Variants in LRP1 observed in about 807,000 individuals in gnomAD.
The protein encoded by LRP1 is LDL receptor related protein 1.
In LRP1, 51 loss-of-function variants were observed where a neutral mutation model predicts 541.5. The ratio of observed to expected loss-of-function variants is 0.09; its 90% confidence interval spans 0.08 to 0.12. The LOEUF (loss-of-function observed/expected upper bound fraction) is 0.12, where lower values mean the gene tolerates loss of function less well. LRP1 is among the 10% of genes least tolerant of loss of function. The pLI, the probability that LRP1 is intolerant of heterozygous loss-of-function variation, is 1.00. For missense variants in LRP1, 3,878 were observed against 6,376.2 expected (o/e 0.61, Z 13.34); for synonymous variants, 2,219 against 2,470.8 (o/e 0.90, Z 3.02).
At chr12:57,186,498 C>A (rs140912489) in intron 41 of LRP1, among the ~76,000 whole-genome samples, 16 of 152,356 alleles carry the variant, frequency 1.1e-4, no homozygotes, top group African/African-American at 2.9e-4. Context: ...CTCATATATT[C>A]ATTCAGCTGG....
Position 57,199,947 on chromosome 12 carries a change from G to A in LRP1, c.9936G>A (p.Gly3312=). 1 of 1,591,868 alleles carries A rather than the reference G, an allele frequency of 6.3e-7. No homozygotes were observed. The highest frequency in any genetic ancestry group is 8.5e-7 in the Non-Finnish European group (1 of 1,172,544). The change falls in exon 62 of 89, where the codon GGG becomes GGA. Residue 3312 remains glycine (G), a synonymous_variant. Coordinates refer to ENST00000243077, the MANE Select transcript of LRP1 (RefSeq NM_002332.3). ...TGTGCCTGCTGTCCCCCGGGGGAGG[G>A]CACAAATGTGCCTGCCCCACCAACT... is the stretch of plus-strand genomic sequence containing the variant. The part of the protein sequence containing the change: ...SNLCLLSPGG[G]HKCACPTNFY...
At chr12:57,181,397 T>A in intron 34 of LRP1, 106 bp downstream of exon 34, 1 of 1,398,348 alleles carries the variant, frequency 7.2e-7, no homozygotes, top group Non-Finnish European at 9.6e-7. Context: ...AAGACTACAT[T>A]CGTCGTGTAG....
chr12:57,141,673 C>T (rs12302644), intron 3 of LRP1, among the ~76,000 whole-genome samples, 162 bp downstream of exon 3: 1 of 152,350 alleles, frequency 6.6e-6, no homozygotes, highest in East Asian at 1.9e-4. Flanking sequence ...GCCCCTTGGG[C>T]CTGGAGCTTG....
At chr12:57,188,312 T>G (rs923966010) in intron 42 of LRP1, among the ~76,000 whole-genome samples, 4 of 152,158 alleles carry the variant, frequency 2.6e-5, no homozygotes, top group Non-Finnish European at 5.9e-5. Context: ...TTTTCCCAAT[T>G]CAGCAGTGCT....
chr12:57,188,762 G>T (rs1157337487), intron 42 of LRP1, among the ~76,000 whole-genome samples: 1 of 152,240 alleles, frequency 6.6e-6, no homozygotes, highest in South Asian at 2.1e-4. Context: ...AGCGCGAGGG[G>T]CGTCATGAAG....
At position 57,206,727 on chromosome 12, in the gene LRP1, G is replaced by A. The variant is rs1178377785; in HGVS notation, c.11845G>A (p.Val3949Ile). The A allele has an allele frequency of 3.1e-6, 5 of 1,612,218 alleles. No homozygotes were observed. The highest frequency in any genetic ancestry group is 2.5e-6 in the Non-Finnish European group (3 of 1,179,980). Reference sequence around the variant, plus strand: ...CCACCGGCGACAGATTGACCGGGGTGTCACCCACCTCAACGTGAGTGCCCA... The same window carrying A: ...CCACCGGCGACAGATTGACCGGGGTATCACCCACCTCAACGTGAGTGCCCA... ...NRHRRQIDRG[V>I]THLNISGLKM... The change falls in exon 76 of 89, where the codon GTC becomes ATC. Residue 3949 changes from valine (V) to isoleucine (I), a missense_variant. Physicochemically the swap from Val to Ile is conservative, Grantham distance 29. Coordinates refer to ENST00000243077, the MANE Select transcript of LRP1 (RefSeq NM_002332.3). The surrounding 1 kb of genome is among the most constrained non-coding windows in gnomAD (Gnocchi z 4.7).
chr12:57,160,114 CT>C, intron 12 of LRP1, 109 bp downstream of exon 12: 2 of 1,103,666 alleles, frequency 1.8e-6, no homozygotes, highest in Non-Finnish European at 2.6e-6. Flanking sequence ...AGGCGGGATA[CT>C]TTAGCAGGAA....
chr12:57,128,909 G>A lies in LRP1; in HGVS notation c.-56G>A. On this transcript the variant is annotated 5_prime_UTR_variant, in exon 1 of 89. Transcript: ENST00000243077. ...GGACCCCCCAACTGGGGGGGGTGAA[G>A]GAGAGAAGTAGCAGGACCAGAGGGG... The A allele has an allele frequency of 2.7e-6, 4 of 1,457,672 alleles. No homozygotes were observed. The highest frequency in any genetic ancestry group is 2.5e-5 in the South Asian group (2 of 79,078). 90.3% of individuals were successfully genotyped at this position (1,457,672 alleles called of 1,614,324 possible).
chr12:57,207,243 T>C (rs2036800586), intron 76 of LRP1, among the ~76,000 whole-genome samples: 1 of 36,552 alleles, frequency 2.7e-5, no homozygotes, highest in South Asian at 1.0e-3. Context: ...ACTCGGTCTC[T>C]AAATAAATAA....
intron 6 of LRP1, 53 bp downstream of exon 6, chr12:57,145,543 A>G: frequency 6.3e-7 from 1 of 1,591,122 alleles, no homozygotes; most frequent in Non-Finnish European, 8.5e-7. Flanking sequence ...GGAGACAGGG[A>G]AGGTGGACCC....
At chr12:57,133,349 G>T (rs2035078678) in intron 1 of LRP1, among the ~76,000 whole-genome samples, 3 of 152,034 alleles carry the variant, frequency 2.0e-5, no homozygotes, top group African/African-American at 7.3e-5. Flanking sequence ...CTAATGTCCT[G>T]CTGCATCAAT....
At position 57,190,985 on chromosome 12, in the gene LRP1, C is replaced by T; in HGVS notation, c.7212C>T (p.Cys2404=). The change falls in exon 43 of 89, where the codon TGC becomes TGT. Residue 2404 remains cysteine, a synonymous_variant. Coordinates refer to ENST00000243077, the MANE Select transcript of LRP1 (RefSeq NM_002332.3). ...CCACCCTGGACAAGATCGAGCGGTG[C>T]GAGTATGACGGCTCCCACCGCTATG... The part of the protein sequence containing the change: ...SDATLDKIER[C]EYDGSHRYVI... 6.2e-7 allele frequency: 1 copy of T among 1,611,596 alleles called. No individual in the cohort carries two copies. Among genetic ancestry groups the T allele is most frequent in the Non-Finnish European group, 8.5e-7 (1 of 1,179,896 alleles).
Position 57,201,609 on chromosome 12 carries a change from C to T in LRP1, c.10458C>T (p.Pro3486=), listed in dbSNP as rs746142668. 37 of 1,612,810 alleles carry T rather than the reference C, an allele frequency of 2.3e-5. No homozygotes were observed. Among genetic ancestry groups the T allele is most frequent in the African/African-American group, 5.3e-5 (4 of 74,892 alleles). The change falls in exon 66 of 89, where the codon CCC becomes CCT. Residue 3486 remains proline, a synonymous_variant. Transcript: ENST00000243077. The surrounding 1 kb of genome is among the most constrained non-coding windows in gnomAD (Gnocchi z 6.4). The part of the protein sequence containing the change: ...DNDCVDGSDE[P]ANCTQMTCGV... ...ACTGTGTGGATGGCAGTGATGAGCCCGCCAACTGCAGTGAGTTGCCTGGCC... is the reference window on the plus strand; with the variant it reads ...ACTGTGTGGATGGCAGTGATGAGCCTGCCAACTGCAGTGAGTTGCCTGGCC...
In LRP1 at chr12:57,206,074, C is replaced by T. The variant is rs1276883843; in HGVS notation, c.11590+397C>T. 6.6e-6 allele frequency among the ~76,000 whole-genome samples: 1 copy of T among 152,214 alleles called. No homozygotes were observed. Among genetic ancestry groups the T allele is most frequent in the Non-Finnish European group, 1.5e-5 (1 of 68,036 alleles). Reference sequence around the variant, plus strand: ...CACACACCCCTGGCACACACACCCCCACCATGCACTCCCATGCACACCCTC... The same window carrying T: ...CACACACCCCTGGCACACACACCCCTACCATGCACTCCCATGCACACCCTC... On this transcript the variant is annotated intron_variant, in intron 75 of 88. Coordinates refer to ENST00000243077, the MANE Select transcript of LRP1 (RefSeq NM_002332.3). This position sits in a 1 kb window ranked among gnomAD's most constrained non-coding sequence, Gnocchi z 4.7.
chr12:57,154,171 T>C lies in LRP1; in HGVS notation c.842-37T>C, dbSNP rs1166174472. The C allele has an allele frequency of 3.8e-6, 6 of 1,590,790 alleles. No homozygotes were observed. Among genetic ancestry groups the C allele is most frequent in the Non-Finnish European group, 5.2e-6 (6 of 1,163,122 alleles). On this transcript the variant is annotated intron_variant, in intron 6 of 88. Transcript: ENST00000243077. This position sits in a 1 kb window ranked among gnomAD's most constrained non-coding sequence, Gnocchi z 4.6. Reference sequence around the variant, plus strand: ...GGGTGGGCATCTCTGCAAGAGGGCCTACCCCACCCCATGGCTCTTTCATTC... The same window carrying C: ...GGGTGGGCATCTCTGCAAGAGGGCCCACCCCACCCCATGGCTCTTTCATTC...
Position 57,204,148 on chromosome 12 carries a change from C to T in LRP1, c.10952-262C>T, listed in dbSNP as rs1027907071. On this transcript the variant is annotated intron_variant, in intron 70 of 88. Transcript: ENST00000243077. This position sits in a 1 kb window ranked among gnomAD's most constrained non-coding sequence, Gnocchi z 5.3. ...TTCCCACGTCCCCGCTGTGGAACTA[C>T]ACAGCACAGTGCCCTGCCACATACC... The T allele has an allele frequency of 4.9e-6, 2 of 406,730 alleles. No homozygotes were observed. Among genetic ancestry groups the T allele is most frequent in the Non-Finnish European group, 8.8e-6 (2 of 227,660 alleles). 25.2% of individuals were successfully genotyped at this position (406,730 alleles called of 1,614,324 possible).
intron 13 of LRP1, 38 bp downstream of exon 13, chr12:57,161,153 T>C (rs1376541281): frequency 1.3e-6 from 2 of 1,595,848 alleles, no homozygotes; most frequent in South Asian, 1.1e-5. Flanking sequence ...AATCTGTGTG[T>C]GTTGCTAGAC....
In LRP1 at chr12:57,193,793, G is replaced by A; in HGVS notation, c.7805-106G>A. 3 of 1,602,582 alleles carry A rather than the reference G, an allele frequency of 1.9e-6. No homozygotes were observed. The South Asian group carries it at 3.3e-5, about 18-fold the overall frequency. On this transcript the variant is annotated intron_variant, in intron 47 of 88. Coordinates refer to ENST00000243077, the MANE Select transcript of LRP1 (RefSeq NM_002332.3). ...CGTGGTGTCTGGTTCAAGGCACTCTGTGACAGGCCAGGGCAGGTGCTGTGG... is the reference window on the plus strand; with the variant it reads ...CGTGGTGTCTGGTTCAAGGCACTCTATGACAGGCCAGGGCAGGTGCTGTGG...
chr12:57,178,644 C>T lies in LRP1; in HGVS notation c.4606+41C>T. 6.2e-7 allele frequency: 1 copy of T among 1,612,218 alleles called. No homozygotes were observed. ...CCTCGAGCAGCCGGAAGGGAGCCAG[C>T]AGCCTCTTTAGAAGCTGTAGAAGCT... On this transcript the variant is annotated intron_variant, in intron 27 of 88. Transcript: ENST00000243077. This position sits in a 1 kb window ranked among gnomAD's most constrained non-coding sequence, Gnocchi z 5.8.
Sources: allele counts gnomAD v4.1 joint callset (sites outside exome capture counted in the v4.1 genomes callset), GRCh38; gene constraint gnomAD v4.1.1; non-coding constraint Gnocchi (gnomAD v3.1); transcripts MANE v1.5; gene names NCBI Gene and HGNC (gene_info 2026-07-23, HGNC 2026-07-21).